The following KCNN3 variants were observed in gnomAD, a reference collection of about 807,000 sequenced individuals.
The protein encoded by KCNN3 is potassium calcium-activated channel subfamily N member 3.
A neutral mutation model predicts 62.9 loss-of-function variants in KCNN3; 16 were observed. That is an observed-to-expected ratio of 0.25 (90% CI 0.17 to 0.39). KCNN3 has a LOEUF of 0.39. Ranked by LOEUF, KCNN3 falls within the 10% of genes least tolerant of loss-of-function variation. The probability of loss-of-function intolerance (pLI) is 1.00; values close to 1 mark genes in which losing one functional copy is unlikely to be tolerated. For synonymous variants in KCNN3, 370 were observed against 389.2 expected (o/e 0.95, Z 0.58); for missense variants, 599 against 949.4 (o/e 0.63, Z 4.85).
intron 1 of KCNN3, among the ~76,000 whole-genome samples, chr1:154,851,411 C>G (rs1189301250): frequency 6.6e-6 from 1 of 152,188 alleles, no homozygotes; most frequent in Non-Finnish European, 1.5e-5. Context: ...CTTACAACCC[C>G]TGGGGCAGGT....
intron 2 of KCNN3, among the ~76,000 whole-genome samples, chr1:154,796,553 G>A (rs1029127405): frequency 6.6e-6 from 1 of 152,218 alleles, no homozygotes; most frequent in African/African-American, 2.4e-5. Flanking sequence ...TGCAGGGACT[G>A]CCCAAGTTAC....
chr1:154,744,652 C>T (rs554166257), intron 3 of KCNN3, among the ~76,000 whole-genome samples: 16 of 152,348 alleles, frequency 1.1e-4, no homozygotes, highest in Middle Eastern at 3.4e-3. Context: ...CCATTCCCAG[C>T]TCTGCCTTTG....
At chr1:154,793,218 A>C (rs1649591604) in intron 2 of KCNN3, among the ~76,000 whole-genome samples, 1 of 152,252 alleles carries the variant, frequency 6.6e-6, no homozygotes, top group African/African-American at 2.4e-5. Context: ...TTGTAAATGA[A>C]GTAGTGGGTT....
At chr1:154,868,136 C>T in intron 1 of KCNN3, 4 of 985,458 alleles carry the variant, frequency 4.1e-6, no homozygotes, top group Non-Finnish European at 4.8e-6. Context: ...GAGGGGAGAA[C>T]TGGGGCTGAG....
In KCNN3 at chr1:154,698,895, G is replaced by A. The variant is rs1386494070; in HGVS notation, c.*9081C>T. The A allele has an allele frequency of 2.6e-5, 4 of 152,240 alleles. No homozygotes were observed. In the East Asian group the frequency reaches 7.7e-4, roughly 29 times the overall value. The allele number at this position is 152,240 out of a possible 1,614,324, so 9.4% of individuals were successfully genotyped here. Reference sequence around the variant, plus strand: ...CCTTAGTAAGGAACACAGTAACAACGCGAACAAAACCACACAGAGCATGTG... The same window carrying A: ...CCTTAGTAAGGAACACAGTAACAACACGAACAAAACCACACAGAGCATGTG... On this transcript the variant is annotated 3_prime_UTR_variant, in exon 8 of 8. Coordinates refer to ENST00000271915, the MANE Select transcript of KCNN3 (RefSeq NM_002249.6).
rs993437592 is a variant in KCNN3, at chr1:154,862,522, G to C, written c.933+6510C>G. Among the ~76,000 whole-genome samples the C allele has an allele frequency of 6.6e-6, 1 of 152,226 alleles. No homozygotes were observed. The highest frequency in any genetic ancestry group is 2.1e-4 in the South Asian group (1 of 4,832). ...GGCCCTCCAGGGGTGGAAGGTGGGG[G>C]TGCTAGGGGCTGTGGAAGGAGCTTT... On this transcript the variant is annotated intron_variant, in intron 1 of 7. Transcript: ENST00000271915. This position sits in a 1 kb window ranked among gnomAD's most constrained non-coding sequence, Gnocchi z 4.1.
chr1:154,857,130 G>A (rs984372611), intron 1 of KCNN3, among the ~76,000 whole-genome samples: 4 of 152,134 alleles, frequency 2.6e-5, no homozygotes, highest in Non-Finnish European at 5.9e-5. Context: ...ACCAGAACAC[G>A]CCAGGCAGTG....
chr1:154,747,472 G>A (rs1700964115), intron 3 of KCNN3, among the ~76,000 whole-genome samples: 1 of 152,180 alleles, frequency 6.6e-6, no homozygotes, highest in Non-Finnish European at 1.5e-5. Flanking sequence ...GCTAATAGTA[G>A]TTGAAGGATT....
At chr1:154,855,933 G>A (rs4845396) in intron 1 of KCNN3, among the ~76,000 whole-genome samples, 72,740 of 152,022 alleles carry the variant, frequency 0.48, 19,588 homozygotes, top group East Asian at 0.96. Flanking sequence ...ATCCCACAGA[G>A]AGCAAAAGCA....
chr1:154,785,672 T>C (rs1649251992), intron 2 of KCNN3, among the ~76,000 whole-genome samples: 1 of 142,886 alleles, frequency 7.0e-6, no homozygotes, highest in Non-Finnish European at 1.5e-5. Flanking sequence ...AACCTCTGCC[T>C]CCTGGGTTCA....
intron 2 of KCNN3, among the ~76,000 whole-genome samples, chr1:154,818,402 G>A (rs1329574663): frequency 3.3e-5 from 5 of 152,314 alleles, no homozygotes; most frequent in East Asian, 3.9e-4. Context: ...CAGCAGCTCC[G>A]TCACAGTAGC....
chr1:154,860,392 GC>G (rs775363143), intron 1 of KCNN3, among the ~76,000 whole-genome samples: 4 of 152,084 alleles, frequency 2.6e-5, no homozygotes, highest in African/African-American at 7.3e-5. Flanking sequence ...CTCTGGCCTG[GC>G]CCCACGGGTT....
rs867253911 is a variant in KCNN3, at chr1:154,707,880, C to T, written c.*96G>A. 7.3e-7 allele frequency: 1 copy of T among 1,364,912 alleles called. No individual in the cohort carries two copies. The highest frequency in any genetic ancestry group is 1.0e-6 in the Non-Finnish European group (1 of 988,770). The allele number at this position is 1,364,912 out of a possible 1,614,324, so 84.6% of individuals were successfully genotyped here. A position where few individuals can be genotyped will look rare whatever the true frequency, so the allele number is the denominator to read the frequency against. On this transcript the variant is annotated 3_prime_UTR_variant, in exon 8 of 8. Transcript: ENST00000271915. ...AGCTCGGTCTCTCTTCTTTCCGTTC[C>T]CTGGTCTGAATGTTTCTTGATGGCA...
rs1246605230 is a variant in KCNN3, at chr1:154,869,269, G to A, written c.696C>T (p.Thr232=). The part of the protein sequence containing the change: ...SSREDNHAHQ[T]LLHHPNATHN... ...GGGTGGCATTAGGGTGATGGAGCAGGGTCTGGTGGGCATGGTTGTCCTCCC... is the reference window on the plus strand; with the variant it reads ...GGGTGGCATTAGGGTGATGGAGCAGAGTCTGGTGGGCATGGTTGTCCTCCC... The change falls in exon 1 of 8, where the codon ACC becomes ACT. Residue 232 remains threonine (T), a synonymous_variant. Transcript: ENST00000271915. The surrounding 1 kb of genome is among the most constrained non-coding windows in gnomAD (Gnocchi z 6.1). 1 of 1,613,962 alleles carries A rather than the reference G, an allele frequency of 6.2e-7. No homozygotes were observed. Among genetic ancestry groups the A allele is most frequent in the Admixed American group, 1.7e-5 (1 of 60,014 alleles).
At chr1:154,709,544 A>G (rs1700031641) in intron 7 of KCNN3, among the ~76,000 whole-genome samples, 1 of 152,162 alleles carries the variant, frequency 6.6e-6, no homozygotes, top group South Asian at 2.1e-4. Flanking sequence ...GAAGCCAGAG[A>G]AGAATGAAGG....
chr1:154,822,953 C>G (rs111981849), intron 1 of KCNN3, among the ~76,000 whole-genome samples: 5 of 152,204 alleles, frequency 3.3e-5, no homozygotes, highest in Admixed American at 6.5e-5. Flanking sequence ...CCCAGCCCTG[C>G]GACAGCCATT....
At chr1:154,783,323 C>T (rs533163960) in intron 2 of KCNN3, among the ~76,000 whole-genome samples, 35 of 152,300 alleles carry the variant, frequency 2.3e-4, no homozygotes, top group Non-Finnish European at 3.7e-4. Flanking sequence ...TTAAAATAAA[C>T]TGGGTTCTAT....
chr1:154,827,064 A>G (rs1651166911), intron 1 of KCNN3, among the ~76,000 whole-genome samples: 3 of 152,240 alleles, frequency 2.0e-5, no homozygotes, highest in East Asian at 3.9e-4. Flanking sequence ...TCTGAAGTTC[A>G]TAATTTCTGA....
chr1:154,769,088 C>T (rs1200485147), intron 3 of KCNN3, among the ~76,000 whole-genome samples: 1 of 152,016 alleles, frequency 6.6e-6, no homozygotes, highest in Non-Finnish European at 1.5e-5. Flanking sequence ...TTCCTCAACT[C>T]TCCCATGAGC....
Sources: allele counts gnomAD v4.1 joint callset (sites outside exome capture counted in the v4.1 genomes callset), GRCh38; gene constraint gnomAD v4.1.1; non-coding constraint Gnocchi (gnomAD v3.1); transcripts MANE v1.5; gene names NCBI Gene and HGNC (gene_info 2026-07-23, HGNC 2026-07-21).